The following SDK1 variants were observed in gnomAD, a reference collection of about 807,000 sequenced individuals.
SDK1 encodes the protein sidekick cell adhesion molecule 1, also known as protein sidekick-1.
SDK1 carries 157 observed loss-of-function variants against 245.5 expected under a neutral mutation model. That is an observed-to-expected ratio of 0.64 (90% CI 0.56 to 0.73). The LOEUF is 0.73. Among genes scored for constraint, SDK1 ranks in the 30% least tolerant of loss-of-function variants. The pLI is 0.00. For synonymous variants in SDK1, 1,647 were observed against 1,278.5 expected (o/e 1.29, Z -6.15); for missense variants, 3,583 against 3,002.3 (o/e 1.19, Z -4.52).
intron 5 of SDK1, among the ~76,000 whole-genome samples, chr7:3,836,074 C>G (rs2115080686): frequency 6.6e-6 from 1 of 152,278 alleles, no homozygotes; most frequent in South Asian, 2.1e-4. Context: ...ATAAATAGAA[C>G]AAATCAGTCA....
chr7:3,931,628 G>A (rs1038060222), intron 5 of SDK1, among the ~76,000 whole-genome samples: 1 of 152,104 alleles, frequency 6.6e-6, no homozygotes, highest in African/African-American at 2.4e-5. Flanking sequence ...TAAACTCCCC[G>A]CCATCTTCCT....
intron 5 of SDK1, among the ~76,000 whole-genome samples, chr7:3,889,057 G>A (rs770431736): frequency 2.0e-5 from 3 of 152,132 alleles, no homozygotes; most frequent in Non-Finnish European, 2.9e-5. Context: ...ATAATCAACC[G>A]TGGCTCTTGC....
chr7:3,395,491 A>G (rs1188281659), intron 1 of SDK1, among the ~76,000 whole-genome samples: 2 of 151,806 alleles, frequency 1.3e-5, no homozygotes, highest in Non-Finnish European at 2.9e-5. Context: ...AATGAGTGGG[A>G]ATATTCTAGA....
intron 5 of SDK1, among the ~76,000 whole-genome samples, chr7:3,941,344 A>G (rs945029623): frequency 1.3e-5 from 2 of 151,970 alleles, no homozygotes; most frequent in Non-Finnish European, 2.9e-5. Flanking sequence ...AAGCCTGGCC[A>G]TGGCTTTCCT....
At chr7:4,143,000 G>A (rs1016895451) in intron 28 of SDK1, among the ~76,000 whole-genome samples, 1 of 152,166 alleles carries the variant, frequency 6.6e-6, no homozygotes, top group Non-Finnish European at 1.5e-5. Context: ...GGACATTGTT[G>A]GGGAATTTAC....
intron 4 of SDK1, among the ~76,000 whole-genome samples, chr7:3,792,966 C>T (rs2115025785): frequency 6.6e-6 from 1 of 152,288 alleles, no homozygotes; most frequent in South Asian, 2.1e-4. Context: ...TTTGTAATAA[C>T]TCAAGCCTTT....
intron 1 of SDK1, among the ~76,000 whole-genome samples, chr7:3,569,835 T>C (rs1780051294): frequency 6.6e-6 from 1 of 152,166 alleles, no homozygotes; most frequent in Non-Finnish European, 1.5e-5. Flanking sequence ...CTTGTTAGAG[T>C]CTGTCCTTTG....
At chr7:4,028,669 T>A (rs1237513782) in intron 17 of SDK1, among the ~76,000 whole-genome samples, 1 of 152,228 alleles carries the variant, frequency 6.6e-6, no homozygotes, top group Non-Finnish European at 1.5e-5. Flanking sequence ...CCTCTAGCTC[T>A]CTGGAGGACA....
At chr7:3,807,434 C>T (rs182914858) in intron 4 of SDK1, among the ~76,000 whole-genome samples, 26 of 152,296 alleles carry the variant, frequency 1.7e-4, no homozygotes, top group African/African-American at 6.0e-4. Flanking sequence ...CTGCCTCAAG[C>T]CCAAAGATTC....
At chr7:3,675,053 C>T (rs541080637) in intron 4 of SDK1, among the ~76,000 whole-genome samples, 9 of 152,280 alleles carry the variant, frequency 5.9e-5, no homozygotes, top group South Asian at 4.2e-4. Flanking sequence ...TTGCTAGCCA[C>T]GGCTGTAAAC....
intron 4 of SDK1, among the ~76,000 whole-genome samples, chr7:3,744,238 T>A (rs1779553375): frequency 6.6e-6 from 1 of 151,000 alleles, no homozygotes; most frequent in African/African-American, 2.4e-5. Flanking sequence ...ATAGCCCCCC[T>A]CCCCCCATCT....
At chr7:3,459,238 G>T (rs1196927784) in intron 1 of SDK1, among the ~76,000 whole-genome samples, 1 of 152,080 alleles carries the variant, frequency 6.6e-6, no homozygotes, top group African/African-American at 2.4e-5. Context: ...TAGGAATTTG[G>T]TACTGTATTT....
At chr7:3,846,766 C>T (rs369178061) in intron 5 of SDK1, among the ~76,000 whole-genome samples, 1 of 152,170 alleles carries the variant, frequency 6.6e-6, no homozygotes, top group Non-Finnish European at 1.5e-5. Context: ...TCCTAGACAG[C>T]CGTGTCTTTA....
intron 4 of SDK1, among the ~76,000 whole-genome samples, chr7:3,654,057 A>T (rs10807852): frequency 0.61 from 93,351 of 151,900 alleles, 28,967 homozygotes; most frequent in South Asian, 0.76. Flanking sequence ...TCTGGCTGGC[A>T]GTGCACGTAG....
At chr7:3,360,666 C>T (rs1427097388) in intron 1 of SDK1, among the ~76,000 whole-genome samples, 3 of 152,130 alleles carry the variant, frequency 2.0e-5, no homozygotes, top group East Asian at 1.9e-4. Context: ...GGTTTTGTTA[C>T]CTTGGCCCAG....
chr7:3,937,619 C>T (rs1169414927), intron 5 of SDK1, among the ~76,000 whole-genome samples: 1 of 152,202 alleles, frequency 6.6e-6, no homozygotes, highest in Non-Finnish European at 1.5e-5. Context: ...CTAGCAGCCT[C>T]TCAATGTTTT....
chr7:3,940,016 C>T (rs1237266605), intron 5 of SDK1, among the ~76,000 whole-genome samples: 1 of 152,270 alleles, frequency 6.6e-6, no homozygotes, highest in Admixed American at 6.5e-5. Context: ...AGGAAAGACT[C>T]ACCAGTTCCT....
intron 5 of SDK1, among the ~76,000 whole-genome samples, chr7:3,823,514 T>C (rs1041056148): frequency 5.3e-5 from 8 of 152,170 alleles, no homozygotes; most frequent in African/African-American, 1.9e-4. Flanking sequence ...ATAAAGCGAG[T>C]ACAGTGAATT....
chr7:3,731,679 A>G (rs1206667240), intron 4 of SDK1, among the ~76,000 whole-genome samples: 1 of 152,210 alleles, frequency 6.6e-6, no homozygotes, highest in Non-Finnish European at 1.5e-5. Context: ...AGGAATACAA[A>G]CACCATATTC....
Sources: allele counts gnomAD v4.1 joint callset (sites outside exome capture counted in the v4.1 genomes callset), GRCh38; gene constraint gnomAD v4.1.1; transcripts MANE v1.5; gene names NCBI Gene and HGNC (gene_info 2026-07-23, HGNC 2026-07-21).